The following IL16 variants were observed in gnomAD, a reference collection of about 807,000 sequenced individuals.
The protein encoded by IL16 is interleukin 16.
In IL16, 67 loss-of-function variants were observed where a neutral mutation model predicts 110.1. The ratio of observed to expected loss-of-function variants is 0.61; its 90% CI spans 0.50 to 0.75. The LOEUF is 0.75. Ranked by LOEUF, IL16 falls within the 30% of genes least tolerant of loss-of-function variation. The pLI is 0.00. For missense variants in IL16, 1,545 were observed against 1,655.0 expected, an observed-to-expected ratio of 0.93 and a Z score of 1.15; for synonymous variants, 689 against 662.9, an observed-to-expected ratio of 1.04 and a Z score of -0.61.
At chr15:81,185,296 A>G (rs1469726298) in intron 1 of IL16, among the ~76,000 whole-genome samples, 5 of 152,090 alleles carry the variant, frequency 3.3e-5, no homozygotes, top group Non-Finnish European at 7.4e-5. Context: ...TTTTCAATAT[A>G]CAAAGAGTGA....
chr15:81,266,538 C>T (rs1898390750), intron 4 of IL16, among the ~76,000 whole-genome samples: 2 of 152,218 alleles, frequency 1.3e-5, no homozygotes, highest in African/African-American at 4.8e-5. Context: ...ACACGTCCCA[C>T]CAGCTTGCCT....
At chr15:81,201,219 C>T (rs191644231) in intron 1 of IL16, among the ~76,000 whole-genome samples, 98 of 151,988 alleles carry the variant, frequency 6.4e-4, no homozygotes, top group Admixed American at 5.1e-3. Context: ...TCTTAAAAGA[C>T]ATGATATGTA....
At chr15:81,298,895 G>A (rs1157398146) in intron 13 of IL16, among the ~76,000 whole-genome samples, 1 of 152,220 alleles carries the variant, frequency 6.6e-6, no homozygotes, top group Non-Finnish European at 1.5e-5. Context: ...AATGACACGG[G>A]TAGGTCAAAG....
chr15:81,201,299 C>CCA lies in IL16; in HGVS notation c.-102+4162_-102+4163dup, dbSNP rs1304533299. On this transcript the variant is annotated intron_variant, in intron 1 of 18. Transcript: ENST00000683961. Reference sequence around the variant, plus strand: ...CACACATGCACGCACACACCCCCATCCACACACACACACACAGAAGTAAAT... The same window carrying CCA: ...CACACATGCACGCACACACCCCCATCCACACACACACACACACAGAAGTAAAT... 6.4e-3 allele frequency among the ~76,000 whole-genome samples: 963 copies of CCA among 150,278 alleles called. 12 individuals carry two copies. Among genetic ancestry groups the CCA allele is most frequent in the African/African-American group, 0.021 (854 of 41,170 alleles).
chr15:81,313,631 G>T lies in IL16; in HGVS notation c.*4833G>T. On this transcript the variant is annotated 3_prime_UTR_variant, in exon 19 of 19. Coordinates refer to ENST00000683961, the MANE Select transcript of IL16 (RefSeq NM_172217.5). ...TCCACAGCCTCTCCCGGCCTCCAGGGAGGAAGAAGTCCCTACTCCCAGCCC... is the reference window on the plus strand; with the variant it reads ...TCCACAGCCTCTCCCGGCCTCCAGGTAGGAAGAAGTCCCTACTCCCAGCCC... The T allele has an allele frequency of 2.9e-6, 1 of 344,262 alleles. No homozygotes were observed. 21.3% of individuals were successfully genotyped at this position (344,262 alleles called of 1,614,324 possible). A position where few individuals can be genotyped will look rare whatever the true frequency, so the allele number is the denominator to read the frequency against.
At chr15:81,182,826 A>C (rs1895363760) in exon 1 of IL16, 29 of 1,285,902 alleles carry the variant, frequency 2.3e-5, no homozygotes, top group Non-Finnish European at 2.9e-5. Context: ...AACTTTTCAC[A>C]GCTCTCTCTC....
At chr15:81,269,814 C>T (rs1261331895) in intron 5 of IL16, among the ~76,000 whole-genome samples, 166 bp downstream of exon 5, 1 of 152,216 alleles carries the variant, frequency 6.6e-6, no homozygotes, top group East Asian at 1.9e-4. Flanking sequence ...TGGCTGAGTC[C>T]AAGCAGCACA....
In IL16 at chr15:81,313,610, C is replaced by T. The variant is rs112089465; in HGVS notation, c.*4812C>T. The T allele has an allele frequency of 4.0e-4, 154 of 383,486 alleles. No homozygotes were observed. The highest frequency in any genetic ancestry group is 2.9e-3 in the African/African-American group (140 of 48,170). 23.8% of individuals were successfully genotyped at this position (383,486 alleles called of 1,614,324 possible). On this transcript the variant is annotated 3_prime_UTR_variant, in exon 19 of 19. Transcript: ENST00000683961. The stretch of plus-strand genomic sequence containing the variant: ...CCCATCCTGTCGGGGATGCATTCCA[C>T]AGCCTCTCCCGGCCTCCAGGGAGGA...
intron 1 of IL16, among the ~76,000 whole-genome samples, chr15:81,203,853 G>A (rs574226488): frequency 9.6e-4 from 146 of 152,230 alleles, no homozygotes; most frequent in African/African-American, 3.4e-3. Flanking sequence ...TTCCAATTCT[G>A]TGAAGAAAGT....
intron 1 of IL16, among the ~76,000 whole-genome samples, chr15:81,203,503 G>T (rs1208445927): frequency 2.0e-5 from 3 of 151,806 alleles, no homozygotes; most frequent in Non-Finnish European, 2.9e-5. Flanking sequence ...TTTGTATAAG[G>T]TGTAAGGAAG....
At chr15:81,265,202 A>G (rs1457504591) in intron 3 of IL16, among the ~76,000 whole-genome samples, 1 of 152,156 alleles carries the variant, frequency 6.6e-6, no homozygotes, top group East Asian at 1.9e-4. Flanking sequence ...TGCCTGTGTA[A>G]GAGCCAGTCA....
chr15:81,282,741 T>C lies in IL16; in HGVS notation c.1184T>C (p.Leu395Pro). ...CTGTCACCAGGATCCGTGGCGCACC[T>C]GGACGGACGTCTCCGGTATGTCCTC... ...HTLSPGSVAHLDGRLRCGDEI... is the reference protein window; with the variant it reads ...HTLSPGSVAHPDGRLRCGDEI... Residue 395 changes from leucine to proline, a missense_variant, in exon 9 of 19, where the codon CTG (leucine) becomes CCG (proline). Physicochemically the swap from Leu to Pro is moderately conservative, Grantham distance 98. This residue lies in a region of IL16 where 1,185 missense variants were observed against 1,238.8 expected (regional missense o/e 0.96). Transcript: ENST00000683961. The C allele has an allele frequency of 6.2e-7, 1 of 1,612,902 alleles. No individual in the cohort carries two copies. Among genetic ancestry groups the C allele is most frequent in the Non-Finnish European group, 8.5e-7 (1 of 1,178,850 alleles).
At chr15:81,279,465 T>TAC in intron 7 of IL16, 93 bp from the exon 8 acceptor site, 3 of 784,676 alleles carry the variant, frequency 3.8e-6, no homozygotes, top group African/African-American at 1.7e-5. Context: ...TTCATACACA[T>TAC]ACACACACAC....
chr15:81,182,834 C>G, exon 1 of IL16: 6 of 1,287,914 alleles, frequency 4.7e-6, no homozygotes, highest in Non-Finnish European at 6.1e-6. Context: ...ACAGCTCTCT[C>G]TCCCTCCCTC....
At chr15:81,265,155 A>G (rs1019043118) in intron 3 of IL16, among the ~76,000 whole-genome samples, 1 of 152,222 alleles carries the variant, frequency 6.6e-6, no homozygotes, top group Non-Finnish European at 1.5e-5. Context: ...CAAAGAATCA[A>G]GAGTTGTCTC....
upstream of IL16, among the ~76,000 whole-genome samples, chr15:81,192,315 A>G (rs889841724): frequency 6.6e-6 from 1 of 152,202 alleles, no homozygotes; most frequent in African/African-American, 2.4e-5. Flanking sequence ...ATTTTTAAAA[A>G]AGTGGTTGGG....
chr15:81,221,896 G>A lies in IL16; in HGVS notation c.-101-3403G>A, dbSNP rs185479579. Among the ~76,000 whole-genome samples, 38 of 152,272 alleles carry A rather than the reference G, an allele frequency of 2.5e-4. No homozygotes were observed. In the East Asian group the frequency reaches 6.0e-3, roughly 24 times the overall value. On this transcript the variant is annotated intron_variant, in intron 1 of 18. Transcript: ENST00000683961. ...TACTCATCAGACACTCCTGCAAATG[G>A]TGCATTGGGATTAGCACAGTTTCCA... is the stretch of plus-strand genomic sequence containing the variant.
Position 81,296,921 on chromosome 15 carries a change from A to T in IL16, c.1903-7A>T, listed in dbSNP as rs1213221719. 1 of 1,602,684 alleles carries T rather than the reference A, an allele frequency of 6.2e-7. No homozygotes were observed. ...TGACATGGTCTCGCTTCCTGTTTAC[A>T]CCACAGGAAGCGAGAGAGCTGCTGC... On this transcript the variant is annotated splice_polypyrimidine_tract_variant and splice_region_variant and intron_variant, in intron 12 of 18. Transcript: ENST00000683961.
Position 81,279,691 on chromosome 15 carries a change from C to G in IL16, c.998C>G (p.Ser333Cys). The G allele has an allele frequency of 6.2e-7, 1 of 1,614,268 alleles. No homozygotes were observed. The highest frequency in any genetic ancestry group is 8.5e-7 in the Non-Finnish European group (1 of 1,180,050). The change falls in exon 8 of 19, where the codon TCC becomes TGC. Residue 333 changes from serine to cysteine, a missense_variant. Coordinates refer to ENST00000683961, the MANE Select transcript of IL16 (RefSeq NM_172217.5). ...SSTCITKDSS[S>C]FALESPSAPI... ...ACTTGTATCACCAAGGACAGCAGCT[C>G]CTTCGCCTTGGAAAGCCCCTCGGCT... is the stretch of plus-strand genomic sequence containing the variant.
Sources: gnomAD v4.1 joint callset for allele counts (sites outside exome capture counted in the v4.1 genomes callset) on GRCh38, gnomAD v4.1.1 for gene constraint, gnomAD v4.1.1 regional missense constraint, MANE v1.5 for transcripts, NCBI Gene and HGNC (gene_info 2026-07-23, HGNC 2026-07-21) for gene names.